The following PUS7 variants were observed in gnomAD, a reference collection of about 807,000 sequenced individuals.
PUS7 encodes pseudouridylate synthase 7 homolog.
Under a neutral mutation model 79.8 loss-of-function variants are expected in PUS7, and 48 were observed. The observed-to-expected ratio is 0.60, with a 90% CI of 0.48 to 0.76. The LOEUF (loss-of-function observed/expected upper bound fraction) is 0.76, where lower values mean the gene tolerates loss of function less well. Ranked by LOEUF, PUS7 falls within the 30% of genes least tolerant of loss-of-function variation. PUS7 has a pLI of 0.00. For synonymous variants in PUS7, 286 were observed against 272.2 expected, an observed-to-expected ratio of 1.05 and a Z score of -0.50; for missense variants, 729 against 797.6, an observed-to-expected ratio of 0.91 and a Z score of 1.04.
chr7:105,515,007 G>C (rs1467907200), intron 1 of PUS7, among the ~76,000 whole-genome samples: 1 of 152,106 alleles, frequency 6.6e-6, no homozygotes, highest in Non-Finnish European at 1.5e-5. Flanking sequence ...TGTCAGCCAG[G>C]ATGGTCTCGA....
intron 12 of PUS7, among the ~76,000 whole-genome samples, chr7:105,467,035 T>G (rs10717155): frequency 1.4e-3 from 9 of 6,472 alleles, no homozygotes; most frequent in African/African-American, 2.2e-3. Context: ...GTTTTTTCTG[T>G]TTTTTTTTTT....
chr7:105,511,074 C>G (rs1023703684), intron 1 of PUS7, among the ~76,000 whole-genome samples: 1 of 151,752 alleles, frequency 6.6e-6, no homozygotes, highest in African/African-American at 2.4e-5. Context: ...CTCTGTCGCC[C>G]AGGCTGGAGT....
At chr7:105,482,486 G>A (rs375871834) in intron 7 of PUS7, 46 bp from the exon 8 acceptor site, 1 of 1,528,456 alleles carries the variant, frequency 6.5e-7, no homozygotes, top group Non-Finnish European at 8.8e-7. Flanking sequence ...AGAGTAGAAA[G>A]AGGATCATGA....
intron 5 of PUS7, chr7:105,497,037 T>C: frequency 1.3e-5 from 14 of 1,091,658 alleles, no homozygotes; most frequent in Non-Finnish European, 1.6e-5. Flanking sequence ...TAAAGTGCTT[T>C]AGAGGTGAAC....
At chr7:105,481,281 C>G in intron 8 of PUS7, 104 bp from the exon 9 acceptor site, 2 of 887,776 alleles carry the variant, frequency 2.3e-6, no homozygotes, top group Middle Eastern at 2.3e-4. Context: ...TTCGTTCACT[C>G]TCCTGCAGCT....
At chr7:105,473,714 C>T (rs955061475) in intron 9 of PUS7, among the ~76,000 whole-genome samples, 1 of 151,776 alleles carries the variant, frequency 6.6e-6, no homozygotes, top group African/African-American at 2.4e-5. Flanking sequence ...CCACTGTGCC[C>T]GGCCAATTTT....
intron 11 of PUS7, among the ~76,000 whole-genome samples, chr7:105,470,072 T>C (rs1231476531): frequency 6.6e-6 from 1 of 152,170 alleles, no homozygotes; most frequent in Non-Finnish European, 1.5e-5. Context: ...CTCCCATAAT[T>C]CCACGGTTAA....
Position 105,502,578 on chromosome 7 carries a change from C to T in PUS7, c.586-14G>A. 1 of 1,612,166 alleles carries T rather than the reference C, an allele frequency of 6.2e-7. No individual in the cohort carries two copies. The highest frequency in any genetic ancestry group is 8.5e-7 in the Non-Finnish European group (1 of 1,178,892). On this transcript the variant is annotated splice_polypyrimidine_tract_variant and intron_variant, in intron 4 of 15. Transcript: ENST00000469408. ...GTCCTCGATAACCTATTAAAAAAAA[C>T]AGATAGCAATACCACCAAGTTAACA...
At position 105,457,623 on chromosome 7, in the gene PUS7, C is replaced by T. The variant is rs148724875; in HGVS notation, c.*167G>A. On this transcript the variant is annotated 3_prime_UTR_variant, in exon 16 of 16. Coordinates refer to ENST00000469408, the MANE Select transcript of PUS7 (RefSeq NM_019042.5). ...GAACCTCAGGATTTGTGTACATGTA[C>T]AAATATTGCAAATTATTTCTTTAAG... is the stretch of plus-strand genomic sequence containing the variant. 8.3e-4 allele frequency: 500 copies of T among 601,848 alleles called. 1 individual carries two copies. The highest frequency in any genetic ancestry group is 8.9e-4 in the Non-Finnish European group (342 of 384,232). The allele number at this position is 601,848 out of a possible 1,614,324, so 37.3% of individuals were successfully genotyped here. A position where few individuals can be genotyped will look rare whatever the true frequency, so the allele number is the denominator to read the frequency against.
intron 5 of PUS7, among the ~76,000 whole-genome samples, chr7:105,500,347 G>A (rs1407801973): frequency 6.6e-6 from 1 of 152,076 alleles, no homozygotes; most frequent in Non-Finnish European, 1.5e-5. Context: ...GAGAAAATGT[G>A]GATAAAAACA....
intron 1 of PUS7, among the ~76,000 whole-genome samples, chr7:105,512,619 G>T (rs1325595402): frequency 6.6e-6 from 1 of 152,176 alleles, no homozygotes. Flanking sequence ...AGAACTCATC[G>T]CCCACTGTGG....
rs1327396323 is a variant in PUS7 at position 105,462,668 on chromosome 7, C to G, written c.1710G>C (p.Leu570Phe). ...TAATGATCTTTCGGTAGGCCCCTGA[C>G]AAGGAATAATCTCGAATTTTGTGTC... ...NMRHKIRDYS[L>F]SGAYRKIIIR... Residue 570 changes from leucine to phenylalanine, a missense_variant, in exon 14 of 16, where the codon TTG becomes TTC. Coordinates refer to ENST00000469408, the MANE Select transcript of PUS7 (RefSeq NM_019042.5). The G allele has an allele frequency of 6.2e-7, 1 of 1,613,798 alleles. No individual in the cohort carries two copies. The highest frequency in any genetic ancestry group is 2.2e-5 in the East Asian group (1 of 44,882).
At position 105,470,783 on chromosome 7, in the gene PUS7, G is replaced by T. The variant is rs773010297; in HGVS notation, c.1303C>A (p.Leu435Ile). 4 of 1,612,576 alleles carry T rather than the reference G, an allele frequency of 2.5e-6. No individual in the cohort carries two copies. Among genetic ancestry groups the T allele is most frequent in the Admixed American group, 1.7e-5 (1 of 59,920 alleles). Reference protein sequence around the residue: ...WAKTKDPTAALRKLPVKRCVE... With the variant: ...WAKTKDPTAAIRKLPVKRCVE... ...CACCTTTTGACAGGTAGTTTTCTGAGGGCAGCAGTTGGGTCTTTGGTCTTT... is the reference window on the plus strand; with the variant it reads ...CACCTTTTGACAGGTAGTTTTCTGATGGCAGCAGTTGGGTCTTTGGTCTTT... The change falls in exon 11 of 16, where the codon CTC (leucine) becomes ATC (isoleucine). Residue 435 changes from leucine to isoleucine, a missense_variant. Physicochemically the swap from Leu to Ile is conservative, Grantham distance 5. Transcript: ENST00000469408.
intron 4 of PUS7, among the ~76,000 whole-genome samples, chr7:105,504,420 A>G (rs1825376118): frequency 6.6e-6 from 1 of 152,186 alleles, no homozygotes; most frequent in African/African-American, 2.4e-5. Context: ...CCACCAAACT[A>G]CATTACGATT....
At chr7:105,501,038 T>A (rs144058239) in intron 5 of PUS7, among the ~76,000 whole-genome samples, 1 of 152,182 alleles carries the variant, frequency 6.6e-6, no homozygotes, top group Non-Finnish European at 1.5e-5. Flanking sequence ...TGCTCAGGTA[T>A]CTCATCTCTA....
rs201740212 is a variant in PUS7 at position 105,501,971 on chromosome 7, T to A, written c.730+449A>T. On this transcript the variant is annotated intron_variant, in intron 5 of 15. Coordinates refer to ENST00000469408, the MANE Select transcript of PUS7 (RefSeq NM_019042.5). Reference sequence around the variant, plus strand: ...CTCCGTCTCAAAAAAAAAAAAAAAATATATATATATATATATATATAGGGG... The same window carrying A: ...CTCCGTCTCAAAAAAAAAAAAAAAAAATATATATATATATATATATAGGGG... Among the ~76,000 whole-genome samples, 296 of 71,314 alleles carry A rather than the reference T, an allele frequency of 4.2e-3. 1 individual carries two copies. The East Asian group carries it at 0.053, about 13-fold the overall frequency. 46.8% of individuals were successfully genotyped at this position (71,314 alleles called of 152,430 possible).
chr7:105,467,039 T>TTTG (rs1823674794), intron 12 of PUS7, among the ~76,000 whole-genome samples: 1 of 121,050 alleles, frequency 8.3e-6, no homozygotes, highest in Admixed American at 8.2e-5. Flanking sequence ...TTTCTGTTTT[T>TTTG]TTTTTTTTTT....
At chr7:105,505,863 A>G in intron 4 of PUS7, 92 bp downstream of exon 4, 1 of 1,031,490 alleles carries the variant, frequency 9.7e-7, no homozygotes, top group South Asian at 1.6e-5. Context: ...ACCCTTTGTT[A>G]ACCATTGTAA....
intron 1 of PUS7, among the ~76,000 whole-genome samples, chr7:105,509,402 T>A (rs1825618009): frequency 1.3e-5 from 2 of 152,192 alleles, no homozygotes; most frequent in South Asian, 4.1e-4. Context: ...AATACTACTT[T>A]TAGGGATTTA....
Sources: gnomAD v4.1 joint callset for allele counts (sites outside exome capture counted in the v4.1 genomes callset) on GRCh38, gnomAD v4.1.1 for gene constraint, MANE v1.5 for transcripts, NCBI Gene and HGNC (gene_info 2026-07-23, HGNC 2026-07-21) for gene names.